Variants in PCDH11X observed in about 807,000 individuals in gnomAD.
PCDH11X encodes protocadherin-11 X-linked.
In PCDH11X, 18 loss-of-function variants were observed where a neutral mutation model predicts 53.3. That is an observed-to-expected ratio of 0.34 (90% CI 0.23 to 0.50). PCDH11X has a LOEUF of 0.50. PCDH11X is among the 20% of genes least tolerant of loss of function. PCDH11X has a pLI of 0.98. For synonymous variants in PCDH11X, 279 were observed against 393.3 expected, an observed-to-expected ratio of 0.71 and a Z score of 3.44; for missense variants, 570 against 1,032.4, an observed-to-expected ratio of 0.55 and a Z score of 6.14.
chrX:92,473,043 T>A (rs1374814502), intron 10 of PCDH11X, among the ~76,000 whole-genome samples: 25 of 103,809 alleles, frequency 2.4e-4, no homozygotes, highest in African/African-American at 8.8e-4. Flanking sequence ...TTTTGTTTGT[T>A]TTTTTTTTTA....
chrX:91,951,298 G>A (rs7050599), intron 6 of PCDH11X, among the ~76,000 whole-genome samples: 4,529 of 110,166 alleles, frequency 0.041, 244 homozygotes, highest in African/African-American at 0.14. Context: ...AGCAGGACAG[G>A]AGGTCAACTG....
intron 6 of PCDH11X, among the ~76,000 whole-genome samples, chrX:92,086,578 C>T (rs941432863): frequency 2.7e-5 from 3 of 111,351 alleles, no homozygotes; most frequent in African/African-American, 9.8e-5. Context: ...CACAGGTTAC[C>T]TAAGCAAACT....
At chrX:92,228,910 A>G (rs1315301287) in intron 7 of PCDH11X, among the ~76,000 whole-genome samples, 1 of 111,931 alleles carries the variant, frequency 8.9e-6, no homozygotes, top group Non-Finnish European at 1.9e-5. Flanking sequence ...CACCAAAAAC[A>G]ATTAATCATA....
chrX:91,870,565 A>T (rs1939231974), intron 5 of PCDH11X, among the ~76,000 whole-genome samples: 1 of 110,975 alleles, frequency 9.0e-6, no homozygotes, highest in Non-Finnish European at 1.9e-5. Flanking sequence ...ACATTTAAAA[A>T]AAAGAACCAC....
chrX:92,062,324 A>G (rs1307587740), intron 6 of PCDH11X, among the ~76,000 whole-genome samples: 1 of 110,573 alleles, frequency 9.0e-6, no homozygotes, highest in African/African-American at 3.3e-5. Flanking sequence ...ATTTATTTCT[A>G]TTGTCTGATT....
At chrX:92,488,621 C>A (rs1222398767) in intron 10 of PCDH11X, among the ~76,000 whole-genome samples, 3 of 110,398 alleles carry the variant, frequency 2.7e-5, no homozygotes, top group Non-Finnish European at 5.7e-5. Flanking sequence ...ATACCTCTAT[C>A]TATTAGACTC....
intron 6 of PCDH11X, among the ~76,000 whole-genome samples, chrX:91,995,608 G>C (rs1030883242): frequency 2.7e-5 from 3 of 111,423 alleles, no homozygotes; most frequent in Non-Finnish European, 5.6e-5. Flanking sequence ...TTGGACTCAA[G>C]TAGTGTAATG....
intron 5 of PCDH11X, among the ~76,000 whole-genome samples, chrX:91,867,593 T>A (rs1939057129): frequency 9.2e-6 from 1 of 109,188 alleles, no homozygotes; most frequent in African/African-American, 3.4e-5. Context: ...GTAAGGCCCT[T>A]TTAACATCTC....
chrX:92,126,710 AGTGTGT>A (rs71913292), intron 6 of PCDH11X, among the ~76,000 whole-genome samples: 1,650 of 100,574 alleles, frequency 0.016, 14 homozygotes, highest in Non-Finnish European at 0.026. Context: ...ATATGTGGGG[AGTGTGT>A]GTGTGTGTGT....
At chrX:92,117,425 A>G (rs2064663022) in intron 6 of PCDH11X, among the ~76,000 whole-genome samples, 1 of 102,868 alleles carries the variant, frequency 9.7e-6, no homozygotes, top group African/African-American at 3.8e-5. Context: ...TGAAACAACA[A>G]AACTCTGTCT....
At chrX:92,423,267 G>T (rs2072020452) in intron 9 of PCDH11X, among the ~76,000 whole-genome samples, 1 of 97,753 alleles carries the variant, frequency 1.0e-5, no homozygotes, top group Non-Finnish European at 2.3e-5. Context: ...TCGGCCATTT[G>T]TTTATCTTCT....
At chrX:92,402,360 C>T (rs940390379) in intron 9 of PCDH11X, among the ~76,000 whole-genome samples, 3 of 111,553 alleles carry the variant, frequency 2.7e-5, no homozygotes, top group Admixed American at 9.5e-5. Flanking sequence ...AAGCAGGAGG[C>T]GTCACACTGC....
At chrX:92,321,184 GTTTTTTTTTGTT>G (rs1165897647) in intron 8 of PCDH11X, among the ~76,000 whole-genome samples, 8 of 84,901 alleles carry the variant, frequency 9.4e-5, no homozygotes, top group African/African-American at 3.9e-4. Flanking sequence ...TGAACTGTAA[GTTTTTTTTTGTT>G]TTTTTTTTTT....
chrX:92,057,308 A>G (rs1438118542), intron 6 of PCDH11X, among the ~76,000 whole-genome samples: 1 of 109,979 alleles, frequency 9.1e-6, no homozygotes, highest in Non-Finnish European at 1.9e-5. Flanking sequence ...TGGGAGCTAT[A>G]ATTGATAGTG....
intron 1 of PCDH11X, among the ~76,000 whole-genome samples, chrX:91,794,220 G>A (rs1430618162): frequency 3.6e-5 from 4 of 112,260 alleles, no homozygotes; most frequent in Non-Finnish European, 7.5e-5. Flanking sequence ...AAACAACCCT[G>A]TGGATTAGCT....
intron 9 of PCDH11X, among the ~76,000 whole-genome samples, chrX:92,405,580 A>AG (rs1964447639): frequency 9.4e-6 from 1 of 106,552 alleles, no homozygotes; most frequent in Non-Finnish European, 1.9e-5. Context: ...TCCATTGCAA[A>AG]GAAGATTATA....
rs192073640 is a variant in PCDH11X, at chrX:92,174,538, T to C, written c.3034-26837T>C. On this transcript the variant is annotated intron_variant, in intron 6 of 10. Coordinates refer to ENST00000682573, the MANE Select transcript of PCDH11X (RefSeq NM_032968.5). ...CGTGAGAATCAAAAAATGTAGAGAA[T>C]CAAATGCTGGATGAAGAGCTAAGTC... Among the ~76,000 whole-genome samples, 295 of 111,646 alleles carry C rather than the reference T, an allele frequency of 2.6e-3. 2 individuals are homozygous for C. Among genetic ancestry groups the C allele is most frequent in the African/African-American group, 9.1e-3 (281 of 30,741 alleles).
rs752279592 is a variant in PCDH11X at position 92,191,876 on chromosome X, C to T, written c.3034-9499C>T. 1.5e-3 allele frequency among the ~76,000 whole-genome samples: 167 copies of T among 111,804 alleles called. 1 individual carries two copies. Among genetic ancestry groups the T allele is most frequent in the East Asian group, 5.1e-3 (18 of 3,555 alleles). On this transcript the variant is annotated intron_variant, in intron 6 of 10. Transcript: ENST00000682573. ...AATAATTAAGCACAAATAGCATCTTCGAAGAACTCAGAAGACATACAGGAC... is the reference window on the plus strand; with the variant it reads ...AATAATTAAGCACAAATAGCATCTTTGAAGAACTCAGAAGACATACAGGAC...
At chrX:92,103,038 G>A (rs1040815231) in intron 6 of PCDH11X, among the ~76,000 whole-genome samples, 9 of 110,351 alleles carry the variant, frequency 8.2e-5, no homozygotes, top group Non-Finnish European at 1.5e-4. Context: ...GATGGTAATG[G>A]GCATGTGATC....
Sources: allele counts gnomAD v4.1 joint callset (sites outside exome capture counted in the v4.1 genomes callset), GRCh38; gene constraint gnomAD v4.1.1; transcripts MANE v1.5; gene names NCBI Gene and HGNC (gene_info 2026-07-23, HGNC 2026-07-21).